Variants in CLC observed in about 807,000 individuals in gnomAD.
CLC encodes Charcot-Leyden crystal galectin.
Under a neutral mutation model 13.9 loss-of-function variants are expected in CLC, and 15 were observed. The ratio of observed to expected loss-of-function variants is 1.08; its 90% CI spans 0.72 to 1.66. CLC has a LOEUF of 1.66. CLC is among the 40% of genes most tolerant of loss of function. CLC has a pLI of 0.00. For synonymous variants in CLC, 68 were observed against 59.9 expected (o/e 1.14, Z -0.63); for missense variants, 161 against 169.1 (o/e 0.95, Z 0.27).
intron 3 of CLC, chr19:39,733,903 A>C (rs1302101942): frequency 7.1e-6 from 7 of 982,096 alleles, no homozygotes; most frequent in Non-Finnish European, 8.5e-6. Context: ...ATTTAGCTAC[A>C]TGAAAATTTA....
At chr19:39,733,905 G>T (rs912672820) in intron 3 of CLC, 46 of 982,914 alleles carry the variant, frequency 4.7e-5, no homozygotes, top group Non-Finnish European at 5.6e-5. Flanking sequence ...TTAGCTACAT[G>T]AAAATTTAAA....
At chr19:39,736,590 C>T (rs1222679766) in intron 1 of CLC, among the ~76,000 whole-genome samples, 1 of 151,986 alleles carries the variant, frequency 6.6e-6, no homozygotes, top group Non-Finnish European at 1.5e-5. Context: ...GCCTGGCCAA[C>T]ATGGAGAAAC....
intron 3 of CLC, among the ~76,000 whole-genome samples, chr19:39,732,709 AGT>A (rs1458950358): frequency 6.7e-6 from 1 of 149,194 alleles, no homozygotes; most frequent in Non-Finnish European, 1.5e-5. Context: ...ACAGTGTAAA[AGT>A]GTTCCTGTTT....
intron 1 of CLC, among the ~76,000 whole-genome samples, chr19:39,735,813 A>G (rs1967300304): frequency 2.0e-5 from 3 of 152,198 alleles, no homozygotes; most frequent in Admixed American, 2.0e-4. Flanking sequence ...GTCCTTGTGG[A>G]ACACTGACCT....
intron 3 of CLC, 132 bp from the exon 4 acceptor site, chr19:39,731,637 C>A: frequency 1.2e-6 from 1 of 856,106 alleles, no homozygotes; most frequent in Non-Finnish European, 1.8e-6. Context: ...ACCCAGTAGA[C>A]ACACTTCTTT....
intron 1 of CLC, 65 bp from the exon 2 acceptor site, chr19:39,735,138 A>T (rs1967289741): frequency 8.8e-7 from 1 of 1,140,024 alleles, no homozygotes; most frequent in African/African-American, 1.5e-5. Flanking sequence ...CCTGTAACAG[A>T]TTCCCATGGT....
In CLC at chr19:39,734,286, G is replaced by C. The variant is rs1449718861; in HGVS notation, c.300C>G (p.Tyr100Ter). The C allele has an allele frequency of 6.2e-7, 1 of 1,613,250 alleles. No individual in the cohort carries two copies. Among genetic ancestry groups the C allele is most frequent in the East Asian group, 2.2e-5 (1 of 44,874 alleles). Residue 100 changes from tyrosine to a stop codon, truncating the protein, a stop_gained, in exon 3 of 4, where the codon TAC (tyrosine) becomes TAG (stop). Transcript: ENST00000221804. LOFTEE classifies it low-confidence loss of function (END_TRUNC). Reference sequence around the variant, plus strand: ...GGGGAGCTCCTGGGGTGCTCACCTGGTACTTATCTGGCAGCACTGAGATGC... The same window carrying C: ...GGGGAGCTCCTGGGGTGCTCACCTGCTACTTATCTGGCAGCACTGAGATGC... ...ELSISVLPDK[Y>*]QVMVNGQSSY... is the part of the protein sequence containing the mutation.
intron 3 of CLC, among the ~76,000 whole-genome samples, chr19:39,731,974 G>A (rs1212781728): frequency 2.0e-5 from 3 of 152,158 alleles, no homozygotes; most frequent in Non-Finnish European, 4.4e-5. Flanking sequence ...GTGGCGGCAA[G>A]GAATGTAACT....
rs77318783 is a variant in CLC at position 39,734,392 on chromosome 19, T to C, written c.194A>G (p.Asn65Ser). Residue 65 changes from asparagine to serine, a missense_variant, in exon 3 of 4, where the codon AAC (asparagine) becomes AGC (serine). Coordinates refer to ENST00000221804, the MANE Select transcript of CLC (RefSeq NM_001828.6). ...CTTCCAGGCCCCATACTCACGGCTG[T>C]TCATGACCACACGACGACCAAAGCA... ...QVCFGRRVVM[N>S]SREYGAWKQQ... 2 of 1,614,122 alleles carry C rather than the reference T, an allele frequency of 1.2e-6. No individual in the cohort carries two copies. The highest frequency in any genetic ancestry group is 1.7e-6 in the Non-Finnish European group (2 of 1,179,986).
chr19:39,734,570 G>T (rs2144917733), intron 2 of CLC, 77 bp from the exon 3 acceptor site: 1 of 1,302,804 alleles, frequency 7.7e-7, no homozygotes, highest in Non-Finnish European at 1.1e-6. Context: ...AAGTCTCTTT[G>T]CCCCTTCCGT....
In CLC at chr19:39,737,925, CT is replaced by C; in HGVS notation, c.15+12del. The C allele has an allele frequency of 1.2e-6, 2 of 1,612,414 alleles. No individual in the cohort carries two copies. Among genetic ancestry groups the C allele is most frequent in the Non-Finnish European group, 1.7e-6 (2 of 1,179,010 alleles). On this transcript the variant is annotated intron_variant, in intron 1 of 3. Coordinates refer to ENST00000221804, the MANE Select transcript of CLC (RefSeq NM_001828.6). ...GACCTGAGATTATTGAAGGCTGTGC[CT>C]TTTTAACTCACGGGTAGCAGGGACA...
In CLC at chr19:39,735,017, C is replaced by T. The variant is rs370348729; in HGVS notation, c.72G>A (p.Gly24=). ...LSTGSTVTIK[G]RPLACFLNEP... ...CTCACAAGAAACAGGCAAGTGGTCG[C>T]CCTTTGATTGTCACAGTAGAACCAG... The change falls in exon 2 of 4, where the codon GGG becomes GGA. Residue 24 remains glycine (G), a synonymous_variant. Coordinates refer to ENST00000221804, the MANE Select transcript of CLC (RefSeq NM_001828.6). 6.2e-7 allele frequency: 1 copy of T among 1,613,522 alleles called. No homozygotes were observed. The highest frequency in any genetic ancestry group is 2.2e-5 in the East Asian group (1 of 44,860).
chr19:39,736,659 CAGCTACTCGGG>C (rs1388274618), intron 1 of CLC, among the ~76,000 whole-genome samples: 121 of 151,966 alleles, frequency 8.0e-4, no homozygotes, highest in African/African-American at 2.7e-3. Flanking sequence ...CCTGTAATCC[CAGCTACTCGGG>C]AAGCTGAGGT....
At chr19:39,733,499 CA>C (rs1967257462) in intron 3 of CLC, among the ~76,000 whole-genome samples, 1 of 152,104 alleles carries the variant, frequency 6.6e-6, no homozygotes, top group South Asian at 2.1e-4. Context: ...AAGCTTAATA[CA>C]GTAACATTTG....
chr19:39,734,534 G>T, intron 2 of CLC, 41 bp from the exon 3 acceptor site: 1 of 1,540,050 alleles, frequency 6.5e-7, no homozygotes, highest in Non-Finnish European at 9.0e-7. Flanking sequence ...TCCCTTTCTT[G>T]TGGGGCACAC....
intron 3 of CLC, among the ~76,000 whole-genome samples, chr19:39,732,749 T>C (rs1462223783): frequency 1.3e-5 from 2 of 151,358 alleles, no homozygotes; most frequent in Admixed American, 1.3e-4. Flanking sequence ...CACCTGTTGT[T>C]TCCTGACTTT....
intron 2 of CLC, 33 bp from the exon 3 acceptor site, chr19:39,734,526 C>T: frequency 1.3e-6 from 2 of 1,587,440 alleles, no homozygotes; most frequent in Non-Finnish European, 8.7e-7. Context: ...TGAGCAGGTC[C>T]CTTTCTTGTG....
chr19:39,734,540 C>A (rs1568501005), intron 2 of CLC, 47 bp from the exon 3 acceptor site: 2 of 1,480,396 alleles, frequency 1.4e-6, no homozygotes, highest in Non-Finnish European at 1.9e-6. Context: ...TCTTGTGGGG[C>A]ACACACAAGA....
chr19:39,737,921 G>C lies in CLC; in HGVS notation c.15+17C>G. On this transcript the variant is annotated intron_variant, in intron 1 of 3. Transcript: ENST00000221804. ...GTGTGACCTGAGATTATTGAAGGCTGTGCCTTTTTAACTCACGGGTAGCAG... is the reference window on the plus strand; with the variant it reads ...GTGTGACCTGAGATTATTGAAGGCTCTGCCTTTTTAACTCACGGGTAGCAG... The C allele has an allele frequency of 6.2e-7, 1 of 1,611,470 alleles. No individual in the cohort carries two copies. Among genetic ancestry groups the C allele is most frequent in the Non-Finnish European group, 8.5e-7 (1 of 1,178,390 alleles).
Sources: allele counts gnomAD v4.1 joint callset (sites outside exome capture counted in the v4.1 genomes callset), GRCh38; gene constraint gnomAD v4.1.1; transcripts MANE v1.5; gene names NCBI Gene and HGNC (gene_info 2026-07-23, HGNC 2026-07-21).